Variants in OPRM1 observed in about 807,000 individuals in gnomAD.
OPRM1 encodes opioid receptor mu 1.
A neutral mutation model predicts 31.8 loss-of-function variants in OPRM1; 27 were observed. That is an observed-to-expected ratio of 0.85 (90% CI 0.63 to 1.17). The LOEUF is 1.17. OPRM1 is among the 50% of genes most tolerant of loss of function. OPRM1 has a pLI of 0.00. For synonymous variants in OPRM1, 196 were observed against 189.9 expected (o/e 1.03, Z -0.26); for missense variants, 536 against 511.1 (o/e 1.05, Z -0.47).
chr6:154,040,266 C>A (rs1259049419), intron 1 of OPRM1, among the ~76,000 whole-genome samples: 1 of 151,656 alleles, frequency 6.6e-6, no homozygotes, highest in Admixed American at 6.6e-5. Context: ...TTGGTTGGGG[C>A]CGGTGTGTGT....
At chr6:154,245,431 G>A (rs1583895443) in intron 3 of OPRM1, among the ~76,000 whole-genome samples, 2 of 152,292 alleles carry the variant, frequency 1.3e-5, no homozygotes. Context: ...TTTGGGTCTG[G>A]TTTAACCAAA....
At chr6:154,081,175 T>C (rs1389454987) in intron 1 of OPRM1, among the ~76,000 whole-genome samples, 1 of 152,180 alleles carries the variant, frequency 6.6e-6, no homozygotes, top group African/African-American at 2.4e-5. Context: ...TCAGTTTACA[T>C]AGAACTGATA....
At chr6:154,134,380 T>G (rs963665575), downstream of OPRM1, among the ~76,000 whole-genome samples, 10 of 152,174 alleles carry the variant, frequency 6.6e-5, no homozygotes, top group African/African-American at 2.4e-4. Flanking sequence ...ATCCAAGATT[T>G]AGTTTGAGAG....
At chr6:154,113,233 TA>T (rs1461058633) in intron 3 of OPRM1, among the ~76,000 whole-genome samples, 1 of 152,216 alleles carries the variant, frequency 6.6e-6, no homozygotes, top group Non-Finnish European at 1.5e-5. Context: ...GGCCTGTCTC[TA>T]AAATGTGGAC....
rs1275109245 is a variant in OPRM1, at chr6:154,131,889, C to A, written c.*13168C>A. ...CACAAAAAGGAATGTTAAAAAAAAA[C>A]ACACAACATTGTTTTCCTTTTGATG... is the stretch of plus-strand genomic sequence containing the variant. On this transcript the variant is annotated 3_prime_UTR_variant, in exon 4 of 4. Transcript: ENST00000330432. 4.1e-5 allele frequency among the ~76,000 whole-genome samples: 6 copies of A among 147,474 alleles called. No homozygotes were observed. Among genetic ancestry groups the A allele is most frequent in the South Asian group, 2.1e-4 (1 of 4,764 alleles).
At position 154,102,500 on chromosome 6, in the gene OPRM1, T is replaced by C. The variant is rs1312811771; in HGVS notation, c.1164+11028T>C. Among the ~76,000 whole-genome samples the C allele has an allele frequency of 2.0e-5, 3 of 152,126 alleles. No homozygotes were observed. In the East Asian group the frequency reaches 5.8e-4, roughly 29 times the overall value. On this transcript the variant is annotated intron_variant, in intron 3 of 3. Coordinates refer to ENST00000330432, the MANE Select transcript of OPRM1 (RefSeq NM_000914.5). ...TGAATTTCATCTCTTGTAAATAGCA[T>C]TTAAAAGGAATGAAATAATGTACCA...
rs151000517 is a variant in OPRM1 at position 154,129,252 on chromosome 6, C to A, written c.*10531C>A. Among the ~76,000 whole-genome samples, 69 of 152,266 alleles carry A rather than the reference C, an allele frequency of 4.5e-4. No individual in the cohort carries two copies. Among genetic ancestry groups the A allele is most frequent in the African/African-American group, 1.6e-3 (66 of 41,552 alleles). ...CACCGGTGGTCTGGGAGGAACAGAA[C>A]AGGACAGGGAGTTCTTCTATACAAT... On this transcript the variant is annotated 3_prime_UTR_variant, in exon 4 of 4. Transcript: ENST00000330432.
At chr6:154,086,418 A>G (rs1254570472) in intron 1 of OPRM1, 2 of 241,286 alleles carry the variant, frequency 8.3e-6, no homozygotes, top group African/African-American at 2.3e-5. Flanking sequence ...ATAGATAAAT[A>G]TTCACTTTTT....
At chr6:154,217,634 G>A (rs564428754) in intron 3 of OPRM1, 2 of 152,118 alleles carry the variant, frequency 1.3e-5, no homozygotes, top group Admixed American at 1.3e-4. Flanking sequence ...TACGTTTTAT[G>A]TATTATTAAC....
chr6:154,011,525 A>G (rs756265235), intron 1 of OPRM1, among the ~76,000 whole-genome samples: 2 of 152,220 alleles, frequency 1.3e-5, no homozygotes, highest in African/African-American at 2.4e-5. Flanking sequence ...ACCTATATGC[A>G]TGTGTATTCA....
At chr6:154,205,806 T>C (rs1306525171) in intron 3 of OPRM1, among the ~76,000 whole-genome samples, 1 of 152,140 alleles carries the variant, frequency 6.6e-6, no homozygotes, top group Non-Finnish European at 1.5e-5. Flanking sequence ...AATCAAATGC[T>C]ATCATATTTG....
At chr6:154,163,140 C>G (rs1001646886) in intron 3 of OPRM1, among the ~76,000 whole-genome samples, 1 of 152,162 alleles carries the variant, frequency 6.6e-6, no homozygotes, top group Non-Finnish European at 1.5e-5. Flanking sequence ...TGTCTTACTC[C>G]GAGCAGAAGC....
At chr6:154,073,691 G>C (rs1315488290) in intron 1 of OPRM1, 1 of 152,302 alleles carries the variant, frequency 6.6e-6, no homozygotes, top group South Asian at 2.1e-4. Flanking sequence ...GAATAAAAAA[G>C]CAGTCACACA....
intron 3 of OPRM1, among the ~76,000 whole-genome samples, chr6:154,192,853 T>C (rs948772912): frequency 9.2e-5 from 14 of 152,106 alleles, no homozygotes; most frequent in African/African-American, 3.4e-4. Flanking sequence ...AGAATGTCCG[T>C]AACTAAAAAA....
At chr6:154,099,494 GAAAA>G (rs1018327420) in intron 3 of OPRM1, among the ~76,000 whole-genome samples, 43 of 147,250 alleles carry the variant, frequency 2.9e-4, no homozygotes, top group Non-Finnish European at 1.0e-4. Flanking sequence ...AAGAAGGAAA[GAAAA>G]AGAAAGAGGA....
rs551706456 is a variant in OPRM1, at chr6:154,178,030, A to G, written c.1165-68663A>G. Reference sequence around the variant, plus strand: ...TGGAAACCATCATTCTCAGCAAAATATCACAAGGACAGAAAATCAAACACT... The same window carrying G: ...TGGAAACCATCATTCTCAGCAAAATGTCACAAGGACAGAAAATCAAACACT... On this transcript the variant is annotated intron_variant, in intron 3 of 3. Coordinates refer to the OPRM1 transcript ENST00000337049. Among the ~76,000 whole-genome samples the G allele has an allele frequency of 2.6e-5, 4 of 152,212 alleles. No individual in the cohort carries two copies. The South Asian group carries it at 8.3e-4, about 32-fold the overall frequency.
downstream of OPRM1, among the ~76,000 whole-genome samples, chr6:154,136,483 A>G (rs1798062205): frequency 6.6e-6 from 1 of 152,200 alleles, no homozygotes; most frequent in Non-Finnish European, 1.5e-5. Flanking sequence ...GAGATGTCAG[A>G]TATATCTAAG....
intron 3 of OPRM1, chr6:154,108,609 G>A: frequency 5.2e-6 from 1 of 190,604 alleles, no homozygotes; most frequent in African/African-American, 2.4e-5. Context: ...CATCAGCAAA[G>A]AGTGCAAGAC....
rs560871740 is a variant in OPRM1, at chr6:154,184,541, G to GTA, written c.1165-62140_1165-62139dup. On this transcript the variant is annotated intron_variant, in intron 3 of 3. Transcript: ENST00000337049. Reference sequence around the variant, plus strand: ...TGTGTGTACATCTATGTATGTGTATGTATATATATATATGCGCATTGGTAC... The same window carrying GTA: ...TGTGTGTACATCTATGTATGTGTATGTATATATATATATATGCGCATTGGTAC... Among the ~76,000 whole-genome samples, 758 of 150,906 alleles carry GTA rather than the reference G, an allele frequency of 5.0e-3. 6 individuals are homozygous for GTA. Among genetic ancestry groups the GTA allele is most frequent in the African/African-American group, 0.017 (708 of 41,118 alleles).
Sources: allele counts gnomAD v4.1 joint callset (sites outside exome capture counted in the v4.1 genomes callset), GRCh38; gene constraint gnomAD v4.1.1; transcripts MANE v1.5; gene names NCBI Gene and HGNC (gene_info 2026-07-23, HGNC 2026-07-21).